NLGN1: variants seen among roughly 807,000 people sequenced by gnomAD.
The protein encoded by NLGN1 is neuroligin 1, also known as neuroligin-1.
Under a neutral mutation model 65.5 loss-of-function variants are expected in NLGN1, and 12 were observed. That is an observed-to-expected ratio of 0.18 (90% CI 0.12 to 0.30). NLGN1 has a LOEUF of 0.30. NLGN1 is among the 10% of genes least tolerant of loss of function. The pLI, the probability that NLGN1 is intolerant of heterozygous loss-of-function variation, is 1.00. For missense variants in NLGN1, 750 were observed against 1,007.1 expected (o/e 0.74, Z 3.46); for synonymous variants, 350 against 359.5 (o/e 0.97, Z 0.30).
exon 7 of NLGN1, chr3:174,281,577 T>C (rs921948298): frequency 8.9e-6 from 3 of 338,932 alleles, no homozygotes; most frequent in Admixed American, 8.7e-5. Flanking sequence ...AGTTACATAA[T>C]GGAATTAGGC....
intron 1 of NLGN1, among the ~76,000 whole-genome samples, chr3:173,420,693 C>T (rs1319987856): frequency 2.6e-5 from 4 of 152,170 alleles, no homozygotes; most frequent in African/African-American, 9.7e-5. Flanking sequence ...ACAGTCCCAC[C>T]AACAGTGTAG....
chr3:173,899,185 C>T (rs939942462), intron 4 of NLGN1, among the ~76,000 whole-genome samples: 2 of 151,970 alleles, frequency 1.3e-5, no homozygotes, highest in Non-Finnish European at 2.9e-5. Context: ...TTAGCAAAGG[C>T]AGAAAGCTTT....
intron 5 of NLGN1, among the ~76,000 whole-genome samples, chr3:174,276,035 G>A (rs1191921393): frequency 1.3e-5 from 2 of 151,774 alleles, no homozygotes; most frequent in African/African-American, 2.4e-5. Flanking sequence ...TGATTATTTC[G>A]CATGCATGAT....
intron 4 of NLGN1, among the ~76,000 whole-genome samples, chr3:173,877,218 G>A (rs1732304387): frequency 6.6e-6 from 1 of 152,100 alleles, no homozygotes; most frequent in East Asian, 1.9e-4. Flanking sequence ...TGGATATCAT[G>A]TACCTTCTCA....
chr3:174,132,365 C>A (rs73046233), intron 4 of NLGN1, among the ~76,000 whole-genome samples: 12,155 of 152,144 alleles, frequency 0.08, 1,069 homozygotes, highest in African/African-American at 0.22. Context: ...AACCCATCTC[C>A]GAAAGGTAGG....
intron 4 of NLGN1, among the ~76,000 whole-genome samples, chr3:174,193,634 T>G (rs1417501679): frequency 6.6e-6 from 1 of 152,170 alleles, no homozygotes; most frequent in Non-Finnish European, 1.5e-5. Flanking sequence ...AAATAAGCTG[T>G]TACTAAGATT....
intron 3 of NLGN1, among the ~76,000 whole-genome samples, chr3:173,675,798 C>T (rs1302582436): frequency 6.6e-6 from 1 of 151,556 alleles, no homozygotes; most frequent in Non-Finnish European, 1.5e-5. Context: ...ATGAGCCTGA[C>T]TATGTGATAA....
intron 4 of NLGN1, among the ~76,000 whole-genome samples, chr3:174,121,479 T>C (rs989571973): frequency 7.0e-6 from 1 of 142,256 alleles, no homozygotes; most frequent in Non-Finnish European, 1.5e-5. Context: ...CTAGACAAGT[T>C]GGCAAGTATA....
chr3:173,727,426 T>A (rs978129898), intron 3 of NLGN1, among the ~76,000 whole-genome samples: 1 of 152,156 alleles, frequency 6.6e-6, no homozygotes, highest in Non-Finnish European at 1.5e-5. Flanking sequence ...AAATAATAGA[T>A]TCTTGCAAAT....
intron 4 of NLGN1, among the ~76,000 whole-genome samples, chr3:173,904,360 T>G (rs1207930478): frequency 1.3e-5 from 2 of 152,152 alleles, no homozygotes; most frequent in African/African-American, 2.4e-5. Context: ...ACAAACAACA[T>G]AGGAAGATAT....
intron 4 of NLGN1, among the ~76,000 whole-genome samples, chr3:174,088,430 G>A (rs1321403213): frequency 1.3e-5 from 2 of 152,104 alleles, no homozygotes; most frequent in East Asian, 1.9e-4. Context: ...AGAAAAGAGA[G>A]AGAATAGGAT....
chr3:173,630,809 A>C (rs1347167703), intron 3 of NLGN1, among the ~76,000 whole-genome samples: 1 of 152,086 alleles, frequency 6.6e-6, no homozygotes. Flanking sequence ...CATGCCATAA[A>C]CTTCTTGATT....
chr3:173,838,190 T>G (rs1468118325), intron 4 of NLGN1, among the ~76,000 whole-genome samples: 5 of 147,964 alleles, frequency 3.4e-5, no homozygotes, highest in Non-Finnish European at 3.0e-5. Context: ...TGTAACCTGG[T>G]CAACTTTCTA....
At chr3:173,646,214 A>G (rs892656148) in intron 3 of NLGN1, among the ~76,000 whole-genome samples, 4 of 152,198 alleles carry the variant, frequency 2.6e-5, no homozygotes, top group Non-Finnish European at 4.4e-5. Flanking sequence ...AAAATTATCA[A>G]TGTGGAATTC....
At chr3:173,559,003 G>A (rs1742192389) in intron 2 of NLGN1, among the ~76,000 whole-genome samples, 2 of 152,034 alleles carry the variant, frequency 1.3e-5, no homozygotes, top group Admixed American at 6.5e-5. Context: ...ATCTGATATG[G>A]CACTCATATT....
At chr3:173,917,136 GA>G (rs1397079212) in intron 4 of NLGN1, among the ~76,000 whole-genome samples, 1 of 152,156 alleles carries the variant, frequency 6.6e-6, no homozygotes, top group Non-Finnish European at 1.5e-5. Flanking sequence ...CTATATAATG[GA>G]AATTAGTGAC....
chr3:173,635,421 G>C (rs917892956), intron 3 of NLGN1, among the ~76,000 whole-genome samples: 1 of 152,062 alleles, frequency 6.6e-6, no homozygotes, highest in Non-Finnish European at 1.5e-5. Flanking sequence ...CAGTTGAGCC[G>C]TATCTCTATT....
chr3:174,216,103 G>C (rs1316548600), intron 4 of NLGN1, among the ~76,000 whole-genome samples: 4 of 152,118 alleles, frequency 2.6e-5, no homozygotes, highest in African/African-American at 9.7e-5. Context: ...ACTTTCAATT[G>C]CATTACTGTG....
At chr3:174,177,945 G>A (rs1156506986) in intron 4 of NLGN1, among the ~76,000 whole-genome samples, 2 of 152,092 alleles carry the variant, frequency 1.3e-5, no homozygotes, top group Admixed American at 1.3e-4. Context: ...GAAGTGATAA[G>A]AGCATCAGTT....
Sources: allele counts gnomAD v4.1 joint callset (sites outside exome capture counted in the v4.1 genomes callset), GRCh38; gene constraint gnomAD v4.1.1; transcripts MANE v1.5; gene names NCBI Gene and HGNC (gene_info 2026-07-23, HGNC 2026-07-21).